Variants in ANOS1 observed in about 807,000 individuals in gnomAD.
ANOS1 encodes anosmin-1.
ANOS1 carries 6 observed loss-of-function variants against 59.0 expected under a neutral mutation model. That is an observed-to-expected ratio of 0.10 (90% CI 0.06 to 0.20). The LOEUF (loss-of-function observed/expected upper bound fraction) is 0.20. ANOS1 is among the 10% of genes least tolerant of loss of function. ANOS1 has a pLI of 1.00. For missense variants in ANOS1, 433 were observed against 542.3 expected, an observed-to-expected ratio of 0.80 and a Z score of 2.00; for synonymous variants, 217 against 223.4, an observed-to-expected ratio of 0.97 and a Z score of 0.25.
At chrX:8,588,260 T>C (rs568024136) in intron 4 of ANOS1, among the ~76,000 whole-genome samples, 1 of 111,580 alleles carries the variant, frequency 9.0e-6, no homozygotes, top group African/African-American at 3.3e-5. Flanking sequence ...TCCCTAGTAA[T>C]CTCTAGAGCA....
At chrX:8,534,165 T>C (rs1034913093) in intron 13 of ANOS1, among the ~76,000 whole-genome samples, 154 bp downstream of exon 13, 2 of 110,755 alleles carry the variant, frequency 1.8e-5, no homozygotes, top group African/African-American at 6.5e-5. Context: ...AGTAAGTCGG[T>C]ACAAACAGGG....
chrX:8,546,460 A>G (rs1329474693), intron 9 of ANOS1, among the ~76,000 whole-genome samples: 2 of 112,157 alleles, frequency 1.8e-5, no homozygotes, highest in Non-Finnish European at 3.8e-5. Context: ...AAGAAAAAGG[A>G]CTTTTTGGAA....
At chrX:8,552,606 G>A (rs747987179) in intron 9 of ANOS1, among the ~76,000 whole-genome samples, 1 of 111,816 alleles carries the variant, frequency 8.9e-6, no homozygotes, top group Non-Finnish European at 1.9e-5. Flanking sequence ...TCAAATACAG[G>A]CAAAACAAAT....
chrX:8,686,147 C>T (rs1004565403), intron 2 of ANOS1, among the ~76,000 whole-genome samples: 1 of 112,362 alleles, frequency 8.9e-6, no homozygotes, highest in African/African-American at 3.2e-5. Context: ...CATCACTTCT[C>T]AGCTGAAAGA....
chrX:8,602,755 ATTT>A (rs1930867036), intron 3 of ANOS1, among the ~76,000 whole-genome samples: 1 of 110,342 alleles, frequency 9.1e-6, no homozygotes, highest in Non-Finnish European at 1.9e-5. Context: ...TATTATTATT[ATTT>A]TGAGAGAGTC....
intron 1 of ANOS1, among the ~76,000 whole-genome samples, chrX:8,712,385 T>C (rs6530197): frequency 0.47 from 52,632 of 110,871 alleles, 9,395 homozygotes; most frequent in African/African-American, 0.63. Flanking sequence ...GGCCACTTTG[T>C]CACTTTCTGA....
In ANOS1 at chrX:8,675,903, C is replaced by T. The variant is rs1219949813; in HGVS notation, c.255+23795G>A. Among the ~76,000 whole-genome samples the T allele has an allele frequency of 5.1e-5, 5 of 97,169 alleles. No individual in the cohort carries two copies. The Admixed American group carries it at 5.7e-4, about 11-fold the overall frequency. 84.4% of individuals were successfully genotyped at this position (97,169 alleles called of 115,157 possible). On this transcript the variant is annotated intron_variant, in intron 2 of 13. Transcript: ENST00000262648. ...GCCCCAGTGTGTGTTATTCCCTTCCCTGTGTCCATGTGTTCTCATCGTTCA... is the reference window on the plus strand; with the variant it reads ...GCCCCAGTGTGTGTTATTCCCTTCCTTGTGTCCATGTGTTCTCATCGTTCA...
In ANOS1 at chrX:8,614,882, A is replaced by T. The variant is rs12862211; in HGVS notation, c.318+8726T>A. Among the ~76,000 whole-genome samples the T allele has an allele frequency of 9.1e-5, 9 of 99,021 alleles. No individual in the cohort carries two copies. In the East Asian group the frequency reaches 1.8e-3, roughly 20 times the overall value. 86.0% of individuals were successfully genotyped at this position (99,021 alleles called of 115,157 possible). The stretch of plus-strand genomic sequence containing the variant: ...AGTAATATAAGAAAAATATAAAAAA[A>T]TTTTTATATTTTATAAAAAATATAA... On this transcript the variant is annotated intron_variant, in intron 3 of 13. Transcript: ENST00000262648.
At chrX:8,611,136 T>C (rs1312481423) in intron 3 of ANOS1, among the ~76,000 whole-genome samples, 1 of 110,831 alleles carries the variant, frequency 9.0e-6, no homozygotes, top group Non-Finnish European at 1.9e-5. Context: ...AGAACAGAGC[T>C]GCATAGAAAT....
At chrX:8,700,848 A>C (rs960057137) in intron 1 of ANOS1, among the ~76,000 whole-genome samples, 1 of 110,820 alleles carries the variant, frequency 9.0e-6, no homozygotes, top group Non-Finnish European at 1.9e-5. Flanking sequence ...GTCTCTACTA[A>C]AAAATATAAA....
intron 2 of ANOS1, among the ~76,000 whole-genome samples, chrX:8,632,352 T>C (rs1302086677): frequency 3.5e-5 from 4 of 112,684 alleles, no homozygotes; most frequent in African/African-American, 1.3e-4. Flanking sequence ...GACCACCTTT[T>C]AAGGTGTCTA....
Position 8,731,889 on chromosome X carries a change from C to T in ANOS1, c.148G>A (p.Ala50Thr). Residue 50 changes from alanine (A) to threonine (T), a missense_variant, in exon 1 of 14, where the codon GCC becomes ACC. By Grantham distance (58) the Ala-to-Thr change is moderately conservative. Transcript: ENST00000262648. ...ATCTGCAGGCTCAGGCACCTGGAGGCGCAGCGAGCGCGCTGGACGCTCCCG... is the reference window on the plus strand; with the variant it reads ...ATCTGCAGGCTCAGGCACCTGGAGGTGCAGCGAGCGCGCTGGACGCTCCCG... ...SAGSVQRARC[A>T]SRCLSLQITR... 1 of 1,191,636 alleles carries T rather than the reference C, an allele frequency of 8.4e-7. No individual in the cohort carries two copies. Among genetic ancestry groups the T allele is most frequent in the Non-Finnish European group, 1.1e-6 (1 of 887,231 alleles).
In ANOS1 at chrX:8,653,622, T is replaced by C. The variant is rs148043068; in HGVS notation, c.256-29952A>G. 4.8e-3 allele frequency among the ~76,000 whole-genome samples: 532 copies of C among 111,823 alleles called. 7 individuals are homozygous for C. Among genetic ancestry groups the C allele is most frequent in the African/African-American group, 0.017 (510 of 30,744 alleles). On this transcript the variant is annotated intron_variant, in intron 2 of 13. Coordinates refer to ENST00000262648, the MANE Select transcript of ANOS1 (RefSeq NM_000216.4). ...ACAAATACACATGACCTTTTTACCT[T>C]ACTTGTCGGAAAATAAACACCCTCC...
intron 1 of ANOS1, among the ~76,000 whole-genome samples, chrX:8,729,773 GGTT>G (rs1932955413): frequency 9.4e-6 from 1 of 106,450 alleles, no homozygotes; most frequent in South Asian, 4.4e-4. Context: ...GGAAGCTTGG[GGTT>G]TTATAAGGAG....
At chrX:8,655,093 T>C (rs1342852680) in intron 2 of ANOS1, among the ~76,000 whole-genome samples, 1 of 111,423 alleles carries the variant, frequency 9.0e-6, no homozygotes, top group Admixed American at 9.6e-5. Context: ...TTCTGGATGA[T>C]TCAAGAGCAT....
chrX:8,616,653 G>A (rs986382837), intron 3 of ANOS1, among the ~76,000 whole-genome samples: 3 of 110,593 alleles, frequency 2.7e-5, no homozygotes, highest in Non-Finnish European at 3.8e-5. Flanking sequence ...CCCACATCTC[G>A]TACATTCCAG....
At chrX:8,548,024 T>C (rs1022509220) in intron 9 of ANOS1, among the ~76,000 whole-genome samples, 2 of 112,338 alleles carry the variant, frequency 1.8e-5, no homozygotes, top group African/African-American at 6.5e-5. Context: ...CAATTCAAAG[T>C]TTTAAAACTT....
intron 1 of ANOS1, among the ~76,000 whole-genome samples, chrX:8,729,325 ATCT>A (rs1188306847): frequency 6.5e-5 from 7 of 107,519 alleles, no homozygotes; most frequent in Non-Finnish European, 1.1e-4. Flanking sequence ...TAGGAAAGCA[ATCT>A]TCTTAAGACT....
chrX:8,715,401 A>G (rs1184949015), intron 1 of ANOS1, among the ~76,000 whole-genome samples: 1 of 109,570 alleles, frequency 9.1e-6, no homozygotes, highest in Non-Finnish European at 1.9e-5. Context: ...AGTAGCAAGG[A>G]CAAGAGGTAT....
Sources: allele counts gnomAD v4.1 joint callset (sites outside exome capture counted in the v4.1 genomes callset), GRCh38; gene constraint gnomAD v4.1.1; transcripts MANE v1.5; gene names NCBI Gene and HGNC (gene_info 2026-07-23, HGNC 2026-07-21).